The following VIT variants were observed in gnomAD, a reference collection of about 807,000 sequenced individuals.
VIT encodes vitrin.
Under a neutral mutation model 78.0 loss-of-function variants are expected in VIT, and 99 were observed. That is an observed-to-expected ratio of 1.27 (90% confidence interval 1.08 to 1.50). The LOEUF (loss-of-function observed/expected upper bound fraction) is 1.50. Among genes scored for constraint, VIT ranks in the 40% most tolerant of loss-of-function variants. The probability of loss-of-function intolerance (pLI) is 0.00; values close to 1 mark genes in which losing one functional copy is unlikely to be tolerated. For synonymous variants in VIT, 374 were observed against 334.3 expected, an observed-to-expected ratio of 1.12 and a Z score of -1.29; for missense variants, 1,126 against 875.3, an observed-to-expected ratio of 1.29 and a Z score of -3.61.
chr2:36,791,032 G>GC (rs1382661590), intron 12 of VIT, among the ~76,000 whole-genome samples: 11 of 152,140 alleles, frequency 7.2e-5, no homozygotes, highest in Non-Finnish European at 1.6e-4. Context: ...TTCATTTCAG[G>GC]CCCCCATCTC....
At chr2:36,706,661 C>T (rs1468427651) in intron 1 of VIT, among the ~76,000 whole-genome samples, 1 of 152,118 alleles carries the variant, frequency 6.6e-6, no homozygotes, top group African/African-American at 2.4e-5. Flanking sequence ...CAATTGGCTT[C>T]AGTTTCTTTT....
rs1200404252 is a variant in VIT, at chr2:36,787,137, A to G, written c.919A>G (p.Ile307Val). ...CTTTTTCCGTTCCGCAGACTGCAAAATTGACTTGTCGTTTTTAATTGATGG... is the reference window on the plus strand; with the variant it reads ...CTTTTTCCGTTCCGCAGACTGCAAAGTTGACTTGTCGTTTTTAATTGATGG... ...PVSLGDPNCK[I>V]DLSFLIDGST... The change falls in exon 12 of 16, where the codon ATT (isoleucine) becomes GTT (valine). Residue 307 changes from isoleucine to valine, a missense_variant. Physicochemically the swap from Ile to Val is conservative, Grantham distance 29. Coordinates refer to ENST00000379242, the MANE Select transcript of VIT (RefSeq NM_053276.4). The G allele has an allele frequency of 3.7e-6, 6 of 1,614,040 alleles. No individual in the cohort carries two copies. Among genetic ancestry groups the G allele is most frequent in the Non-Finnish European group, 5.1e-6 (6 of 1,180,030 alleles).
chr2:36,750,600 A>T (rs759874417), intron 4 of VIT, among the ~76,000 whole-genome samples: 8 of 152,122 alleles, frequency 5.3e-5, no homozygotes, highest in Non-Finnish European at 1.0e-4. Context: ...AGATGGGCGT[A>T]TCACGAGGTC....
At chr2:36,756,517 A>G (rs929307334) in intron 5 of VIT, among the ~76,000 whole-genome samples, 1 of 152,198 alleles carries the variant, frequency 6.6e-6, no homozygotes, top group Non-Finnish European at 1.5e-5. Flanking sequence ...CCCATGCCTC[A>G]AGCCCCTACC....
At chr2:36,803,430 C>A (rs1666473631) in intron 13 of VIT, among the ~76,000 whole-genome samples, 2 of 152,178 alleles carry the variant, frequency 1.3e-5, no homozygotes. Context: ...GTGTTGAGCA[C>A]TATACACCAT....
chr2:36,802,709 G>A (rs1666418987), intron 13 of VIT, among the ~76,000 whole-genome samples: 1 of 152,208 alleles, frequency 6.6e-6, no homozygotes, highest in Non-Finnish European at 1.5e-5. Context: ...CTCGTTCCTT[G>A]ACGAGGTTAG....
intron 4 of VIT, among the ~76,000 whole-genome samples, chr2:36,751,540 G>A (rs1338744887): frequency 1.3e-5 from 2 of 152,226 alleles, no homozygotes; most frequent in African/African-American, 2.4e-5. Flanking sequence ...GAGGACTCAA[G>A]CAAGGTGTAG....
intron 1 of VIT, among the ~76,000 whole-genome samples, chr2:36,701,605 C>A (rs553707031): frequency 3.3e-5 from 4 of 122,416 alleles, no homozygotes; most frequent in Non-Finnish European, 7.0e-5. Flanking sequence ...TACATTCTTT[C>A]TTCTCTTATT....
chr2:36,784,056 G>C (rs1416034488), intron 11 of VIT, among the ~76,000 whole-genome samples: 1 of 152,150 alleles, frequency 6.6e-6, no homozygotes, highest in Non-Finnish European at 1.5e-5. Flanking sequence ...TGTGACTTAG[G>C]GAGACACAGT....
chr2:36,700,085 T>C (rs1664956633), intron 1 of VIT, among the ~76,000 whole-genome samples: 1 of 152,232 alleles, frequency 6.6e-6, no homozygotes, highest in Non-Finnish European at 1.5e-5. Flanking sequence ...CCATTTGTAA[T>C]AATCTTCAAA....
chr2:36,808,401 G>C lies in VIT; in HGVS notation c.1390-71G>C, dbSNP rs528694036. The C allele has an allele frequency of 6.6e-6, 10 of 1,518,136 alleles. No individual in the cohort carries two copies. In the Admixed American group the frequency reaches 1.9e-4, roughly 28 times the overall value. 94.0% of individuals were successfully genotyped at this position (1,518,136 alleles called of 1,614,324 possible). A position where few individuals can be genotyped will look rare whatever the true frequency, so the allele number is the denominator to read the frequency against. ...GCTTGCTTCTTCACCTGCCCCGGGG[G>C]ATCAAGCCTAATGGTGACACTGGAG... On this transcript the variant is annotated intron_variant, in intron 14 of 15. Transcript: ENST00000379242.
Position 36,808,779 on chromosome 2 carries a change from A to T in VIT, c.1697A>T (p.Lys566Met), listed in dbSNP as rs1666933916. ...CAGCGGCTGGAGTTTGGGTTCGACA[A>T]GTACAGCAGCAAGCCTGACATCCTC... ...YEQRLEFGFD[K>M]YSSKPDILNA... Residue 566 changes from lysine (K) to methionine (M), a missense_variant, in exon 15 of 16, where the codon AAG becomes ATG. Lys to Met is a moderately conservative substitution (Grantham distance 95). Transcript: ENST00000379242. 1 of 1,613,854 alleles carries T rather than the reference A, an allele frequency of 6.2e-7. No individual in the cohort carries two copies. Among genetic ancestry groups the T allele is most frequent in the Non-Finnish European group, 8.5e-7 (1 of 1,179,844 alleles).
At position 36,755,064 on chromosome 2, in the gene VIT, C is replaced by G. The variant is rs752924831; in HGVS notation, c.409+10C>G. 1.2e-6 allele frequency: 2 copies of G among 1,612,176 alleles called. No homozygotes were observed. Among genetic ancestry groups the G allele is most frequent in the South Asian group, 2.2e-5 (2 of 90,616 alleles). ...TCCTTTATCGTCTTAGGTATGACCA[C>G]ACACTGGAGAAACGCTGCTAAACCT... On this transcript the variant is annotated intron_variant, in intron 5 of 15. Coordinates refer to ENST00000379242, the MANE Select transcript of VIT (RefSeq NM_053276.4).
At position 36,701,600 on chromosome 2, in the gene VIT, T is replaced by A. The variant is rs1665061322; in HGVS notation, c.-19+4627T>A. Among the ~76,000 whole-genome samples, 6 of 140,982 alleles carry A rather than the reference T, an allele frequency of 4.3e-5. No homozygotes were observed. In the South Asian group the frequency reaches 1.5e-3, roughly 35 times the overall value. The allele number at this position is 140,982 out of a possible 152,430, so 92.5% of individuals were successfully genotyped here. ...GTGAGAAGGCATTCTGTTTCTACAT[T>A]CTTTCTTCTCTTATTCAAAAAGAAA... On this transcript the variant is annotated intron_variant, in intron 1 of 15. Transcript: ENST00000379242.
At chr2:36,791,556 C>T (rs1056595098) in intron 12 of VIT, among the ~76,000 whole-genome samples, 9 of 152,294 alleles carry the variant, frequency 5.9e-5, no homozygotes, top group African/African-American at 1.2e-4. Flanking sequence ...TGTAGCCACA[C>T]GTGTCCTTAG....
At chr2:36,725,546 T>C (rs922156458) in intron 2 of VIT, among the ~76,000 whole-genome samples, 1 of 128,966 alleles carries the variant, frequency 7.8e-6, no homozygotes, top group Non-Finnish European at 1.6e-5. Flanking sequence ...GGCTCCACTT[T>C]CTAATATCAT....
intron 1 of VIT, among the ~76,000 whole-genome samples, chr2:36,701,925 T>G (rs4670161): frequency 0.83 from 126,555 of 152,104 alleles, 53,362 homozygotes; most frequent in Middle Eastern, 0.95. Context: ...AATCCCATGT[T>G]CTTGGGAAGA....
chr2:36,717,333 AATGTGT>A lies in VIT; in HGVS notation c.52+912_52+917del, dbSNP rs1485883672. ...CAGGCTCCCACCACCACGCCTGGCT[AATGTGT>A]GTGTGTGTGTGTGTGTGTGTGTGTG... On this transcript the variant is annotated intron_variant, in intron 2 of 15. Transcript: ENST00000379242. 3.4e-3 allele frequency among the ~76,000 whole-genome samples: 352 copies of A among 102,750 alleles called. 3 individuals are homozygous for A. Among genetic ancestry groups the A allele is most frequent in the African/African-American group, 0.012 (334 of 27,726 alleles). The allele number at this position is 102,750 out of a possible 152,430, so 67.4% of individuals were successfully genotyped here.
Position 36,785,336 on chromosome 2 carries a change from TA to T in VIT, c.911-1792del, listed in dbSNP as rs1204310084. ...GAGTCTAGCAAACTGTAGGTGCTAG[TA>T]GGCGGCAAACCCTGAAGAACTCCAC... On this transcript the variant is annotated intron_variant, in intron 11 of 15. Coordinates refer to ENST00000379242, the MANE Select transcript of VIT (RefSeq NM_053276.4). Among the ~76,000 whole-genome samples the T allele has an allele frequency of 1.3e-4, 20 of 152,100 alleles. No homozygotes were observed. In the South Asian group the frequency reaches 1.7e-3, roughly 13 times the overall value.
Sources: gnomAD v4.1 joint callset for allele counts (sites outside exome capture counted in the v4.1 genomes callset) on GRCh38, gnomAD v4.1.1 for gene constraint, MANE v1.5 for transcripts, NCBI Gene and HGNC (gene_info 2026-07-23, HGNC 2026-07-21) for gene names.